Variants in CADPS2 observed in about 807,000 individuals in gnomAD.
CADPS2 encodes the protein calcium-dependent secretion activator 2.
In CADPS2, 93 loss-of-function variants were observed where a neutral mutation model predicts 172.5. That is an observed-to-expected ratio of 0.54 (90% CI 0.46 to 0.64). The LOEUF (loss-of-function observed/expected upper bound fraction) is 0.64. CADPS2 is among the 30% of genes least tolerant of loss of function. The pLI, the probability that CADPS2 is intolerant of heterozygous loss-of-function variation, is 0.00. For missense variants in CADPS2, 1,420 were observed against 1,565.9 expected (o/e 0.91, Z 1.57); for synonymous variants, 546 against 555.2 (o/e 0.98, Z 0.23).
intron 2 of CADPS2, among the ~76,000 whole-genome samples, chr7:122,680,558 A>T (rs1239542502): frequency 1.3e-5 from 2 of 152,186 alleles, no homozygotes; most frequent in African/African-American, 4.8e-5. Flanking sequence ...TATTAAAAAT[A>T]CAAAAATTAG....
intron 26 of CADPS2, 41 bp downstream of exon 26, chr7:122,360,889 C>A (rs1024331278): frequency 1.2e-6 from 2 of 1,603,194 alleles, no homozygotes; most frequent in Non-Finnish European, 1.7e-6. Context: ...ACTATGACAA[C>A]AGTTAAAAGA....
At chr7:122,672,582 C>T (rs2081971200) in intron 2 of CADPS2, among the ~76,000 whole-genome samples, 2 of 152,214 alleles carry the variant, frequency 1.3e-5, no homozygotes, top group African/African-American at 4.8e-5. Context: ...CTTGAGGTCA[C>T]ACACCTCCTG....
At chr7:122,807,518 C>A (rs1799043584) in intron 1 of CADPS2, among the ~76,000 whole-genome samples, 1 of 152,204 alleles carries the variant, frequency 6.6e-6, no homozygotes, top group Non-Finnish European at 1.5e-5. Context: ...AGGTCTGAAA[C>A]CCAGCCTCGG....
At chr7:122,453,320 T>G (rs1277875270) in intron 14 of CADPS2, among the ~76,000 whole-genome samples, 5 of 152,132 alleles carry the variant, frequency 3.3e-5, no homozygotes, top group Admixed American at 6.6e-5. Flanking sequence ...TATTTTATAT[T>G]TATTTAATAA....
chr7:122,739,795 A>T (rs1344133153), intron 1 of CADPS2, among the ~76,000 whole-genome samples: 1 of 152,200 alleles, frequency 6.6e-6, no homozygotes, highest in Non-Finnish European at 1.5e-5. Context: ...GCTGTCAGAA[A>T]GCAGTTTCCT....
At chr7:122,407,031 C>T (rs1157520998) in intron 20 of CADPS2, among the ~76,000 whole-genome samples, 1 of 152,164 alleles carries the variant, frequency 6.6e-6, no homozygotes, top group Non-Finnish European at 1.5e-5. Flanking sequence ...CTTTTACATT[C>T]TCCTTAATTT....
At chr7:122,663,628 A>G (rs1265060266) in intron 2 of CADPS2, 59 bp from the exon 3 acceptor site, 2 of 1,270,200 alleles carry the variant, frequency 1.6e-6, no homozygotes, top group Non-Finnish European at 1.1e-6. Flanking sequence ...TGTAGATGCT[A>G]ACACCACTTG....
At chr7:122,490,002 T>C in intron 11 of CADPS2, 79 bp downstream of exon 11, 1 of 1,184,628 alleles carries the variant, frequency 8.4e-7, no homozygotes. Context: ...TAAACTATAA[T>C]ACTGAATACA....
intron 6 of CADPS2, among the ~76,000 whole-genome samples, chr7:122,614,445 A>AAAATCCT (rs2074664896): frequency 1.3e-5 from 2 of 152,184 alleles, no homozygotes; most frequent in African/African-American, 4.8e-5. Flanking sequence ...ATAATAAGGC[A>AAAATCCT]AAATCCTAAA....
At chr7:122,845,291 C>T (rs548194919) in intron 1 of CADPS2, among the ~76,000 whole-genome samples, 4 of 152,130 alleles carry the variant, frequency 2.6e-5, no homozygotes, top group Admixed American at 6.5e-5. Flanking sequence ...AGGACTTATT[C>T]TAAGAGCAAC....
At chr7:122,783,760 A>G (rs1793363534) in intron 1 of CADPS2, among the ~76,000 whole-genome samples, 1 of 152,212 alleles carries the variant, frequency 6.6e-6, no homozygotes, top group South Asian at 2.1e-4. Flanking sequence ...CCACTTAAGC[A>G]ACTGAGGTAC....
intron 3 of CADPS2, among the ~76,000 whole-genome samples, chr7:122,656,271 A>T (rs1283382390): frequency 6.6e-6 from 1 of 152,166 alleles, no homozygotes; most frequent in Admixed American, 6.6e-5. Flanking sequence ...GCCATGGCAG[A>T]AAAAAGGGGG....
intron 2 of CADPS2, among the ~76,000 whole-genome samples, chr7:122,720,051 C>T (rs990073169): frequency 6.6e-6 from 1 of 152,088 alleles, no homozygotes; most frequent in Non-Finnish European, 1.5e-5. Flanking sequence ...CTGCAGTCTC[C>T]TCCTAACTTT....
At chr7:122,416,668 T>C (rs1294452873) in intron 17 of CADPS2, among the ~76,000 whole-genome samples, 23 of 152,200 alleles carry the variant, frequency 1.5e-4, no homozygotes, top group Non-Finnish European at 2.9e-5. Context: ...CTCTGACAGC[T>C]AGCAATTGAC....
At chr7:122,783,645 C>G (rs1793337676) in intron 1 of CADPS2, among the ~76,000 whole-genome samples, 1 of 152,140 alleles carries the variant, frequency 6.6e-6, no homozygotes, top group South Asian at 2.1e-4. Context: ...TACCACGGCC[C>G]CAATCAGCTA....
chr7:122,791,034 C>T (rs560524287), intron 1 of CADPS2, among the ~76,000 whole-genome samples: 5 of 152,312 alleles, frequency 3.3e-5, no homozygotes, highest in Admixed American at 6.5e-5. Context: ...TGCACAGGCA[C>T]ATCAATTCCC....
intron 27 of CADPS2, among the ~76,000 whole-genome samples, chr7:122,351,594 A>T (rs2038653200): frequency 6.6e-6 from 1 of 151,996 alleles, no homozygotes; most frequent in South Asian, 2.1e-4. Context: ...TAGAGCATGT[A>T]ACATGTGTTT....
intron 14 of CADPS2, among the ~76,000 whole-genome samples, chr7:122,458,190 C>T (rs755817910): frequency 6.6e-6 from 1 of 152,098 alleles, no homozygotes; most frequent in South Asian, 2.1e-4. Context: ...TCTGAATTGT[C>T]AATTCTGCCT....
At chr7:122,547,452 CCAAA>C (rs746915213) in intron 8 of CADPS2, among the ~76,000 whole-genome samples, 40 of 152,264 alleles carry the variant, frequency 2.6e-4, no homozygotes, top group African/African-American at 9.4e-4. Flanking sequence ...AAGTTAATAT[CCAAA>C]CAATCAGTCC....
Sources: gnomAD v4.1 joint callset for allele counts (sites outside exome capture counted in the v4.1 genomes callset) on GRCh38, gnomAD v4.1.1 for gene constraint, MANE v1.5 for transcripts, NCBI Gene and HGNC (gene_info 2026-07-23, HGNC 2026-07-21) for gene names.